Variants in PBX1 observed in about 807,000 individuals in gnomAD.
PBX1 encodes the protein pre-B-cell leukemia transcription factor 1.
A neutral mutation model predicts 53.4 loss-of-function variants in PBX1; 6 were observed. That is an observed-to-expected ratio of 0.11 (90% CI 0.06 to 0.22). The LOEUF (loss-of-function observed/expected upper bound fraction) is 0.22, where lower values mean the gene tolerates loss of function less well. PBX1 is among the 10% of genes least tolerant of loss of function. The pLI, the probability that PBX1 is intolerant of heterozygous loss-of-function variation, is 1.00. For missense variants in PBX1, 251 were observed against 551.4 expected, an observed-to-expected ratio of 0.46 and a Z score of 5.46; for synonymous variants, 204 against 212.3, an observed-to-expected ratio of 0.96 and a Z score of 0.34.
intron 2 of PBX1, among the ~76,000 whole-genome samples, chr1:164,648,295 G>A (rs1356065082): frequency 1.3e-5 from 2 of 152,154 alleles, no homozygotes; most frequent in African/African-American, 4.8e-5. Flanking sequence ...GTACTTTGAA[G>A]TTACCAAGCT....
chr1:164,835,554 G>A (rs1177077943), intron 8 of PBX1, among the ~76,000 whole-genome samples: 2 of 151,892 alleles, frequency 1.3e-5, no homozygotes, highest in Admixed American at 6.6e-5. Context: ...GTATCCCTTG[G>A]GTTGCTAGTG....
intron 2 of PBX1, among the ~76,000 whole-genome samples, chr1:164,595,338 C>T (rs1655682231): frequency 6.6e-6 from 1 of 152,118 alleles, no homozygotes; most frequent in African/African-American, 2.4e-5. Flanking sequence ...CTCTGGTGAG[C>T]CAAGTGGGCA....
rs529577364 is a variant in PBX1 at position 164,766,744 on chromosome 1, T to A, written c.266-25750T>A. Among the ~76,000 whole-genome samples the A allele has an allele frequency of 1.0e-4, 15 of 150,554 alleles. 1 individual carries two copies. The highest frequency in any genetic ancestry group is 4.0e-4 in the Admixed American group (6 of 15,180). On this transcript the variant is annotated intron_variant, in intron 2 of 8. Coordinates refer to ENST00000420696, the MANE Select transcript of PBX1 (RefSeq NM_002585.4). ...TTTATTTATTTATTTATTTATTTTTTTTTTTTTGAGACAGAGTCTGGCTCT... is the reference window on the plus strand; with the variant it reads ...TTTATTTATTTATTTATTTATTTTTATTTTTTTGAGACAGAGTCTGGCTCT...
At position 164,780,856 on chromosome 1, in the gene PBX1, C is replaced by T. The variant is rs189462350; in HGVS notation, c.266-11638C>T. On this transcript the variant is annotated intron_variant, in intron 2 of 8. Coordinates refer to ENST00000420696, the MANE Select transcript of PBX1 (RefSeq NM_002585.4). The stretch of plus-strand genomic sequence containing the variant: ...ACAACTAGGATTTCTTATTTACTGC[C>T]TCTTGTCCAGGACACCGTTAGTATC... Among the ~76,000 whole-genome samples the T allele has an allele frequency of 2.6e-3, 394 of 152,218 alleles. 1 individual carries two copies. The highest frequency in any genetic ancestry group is 9.7e-3 in the South Asian group (47 of 4,824).
intron 4 of PBX1, among the ~76,000 whole-genome samples, chr1:164,803,365 G>A (rs1669180234): frequency 6.6e-6 from 1 of 152,186 alleles, no homozygotes; most frequent in African/African-American, 2.4e-5. Flanking sequence ...AGAGGAGCAG[G>A]ATGTTTGCCA....
intron 2 of PBX1, among the ~76,000 whole-genome samples, chr1:164,674,278 A>G (rs947566041): frequency 1.3e-5 from 2 of 152,182 alleles, no homozygotes; most frequent in Non-Finnish European, 2.9e-5. Flanking sequence ...TTACACATGG[A>G]CAAAGAGGAA....
chr1:164,617,535 G>A (rs1023956870), intron 2 of PBX1, among the ~76,000 whole-genome samples: 1 of 152,206 alleles, frequency 6.6e-6, no homozygotes, highest in Non-Finnish European at 1.5e-5. Context: ...TGCCAAGTAA[G>A]ATTGGGAGTT....
At chr1:164,662,994 A>G (rs1157195098) in intron 2 of PBX1, among the ~76,000 whole-genome samples, 1 of 152,220 alleles carries the variant, frequency 6.6e-6, no homozygotes, top group Non-Finnish European at 1.5e-5. Context: ...TGATGATATC[A>G]TAGAAATACA....
rs59721347 is a variant in PBX1 at position 164,667,412 on chromosome 1, A to ATGTGTG, written c.265+104117_265+104122dup. Among the ~76,000 whole-genome samples the ATGTGTG allele has an allele frequency of 4.0e-3, 590 of 147,460 alleles. 4 individuals carry two copies. The highest frequency in any genetic ancestry group is 0.013 in the African/African-American group (514 of 40,320). ...GTATTTTATATAACATATGTATAAT[A>ATGTGTG]TGTGTGTGTGTGTGTGTGTGTATAT... On this transcript the variant is annotated intron_variant, in intron 2 of 8. Transcript: ENST00000420696.
intron 2 of PBX1, among the ~76,000 whole-genome samples, chr1:164,698,593 A>G (rs1478733123): frequency 6.6e-6 from 1 of 152,110 alleles, no homozygotes; most frequent in East Asian, 1.9e-4. Context: ...GAGAGCCAGG[A>G]TGCTAGCAGA....
rs751755845 is a variant in PBX1 at position 164,871,866 on chromosome 1, T to TATA, written n.258-27322_258-27321insATA. ...GCACACCATTCTCTATCATAGCACA[T>TATA]GTTTAAACAAACATATACTTGTTTG... is the stretch of plus-strand genomic sequence containing the variant. On this transcript the variant is annotated intron_variant and non_coding_transcript_variant, in intron 2 of 2. Coordinates refer to the PBX1 transcript ENST00000558796. Among the ~76,000 whole-genome samples, 26 of 152,114 alleles carry TATA rather than the reference T, an allele frequency of 1.7e-4. No homozygotes were observed. The South Asian group carries it at 5.4e-3, about 32-fold the overall frequency.
At chr1:164,759,485 A>T (rs929208617) in intron 2 of PBX1, among the ~76,000 whole-genome samples, 8 of 152,216 alleles carry the variant, frequency 5.3e-5, no homozygotes, top group Non-Finnish European at 1.2e-4. Context: ...CAGGAGCTTC[A>T]TGTGCTAGCT....
Position 164,846,847 on chromosome 1 carries a change from G to C in PBX1, c.*171G>C. 2 of 1,452,544 alleles carry C rather than the reference G, an allele frequency of 1.4e-6. No individual in the cohort carries two copies. Among genetic ancestry groups the C allele is most frequent in the South Asian group, 1.4e-5 (1 of 69,562 alleles). The allele number at this position is 1,452,544 out of a possible 1,614,324, so 90.0% of individuals were successfully genotyped here. On this transcript the variant is annotated 3_prime_UTR_variant, in exon 9 of 9. Transcript: ENST00000420696. The stretch of plus-strand genomic sequence containing the variant: ...TTGGGATGCTATTTCAGCCAATCTG[G>C]ACACTTCTTTATACTCTCTTCCCTT...
chr1:164,603,942 T>A (rs1656373927), intron 2 of PBX1, among the ~76,000 whole-genome samples: 1 of 74,014 alleles, frequency 1.4e-5, no homozygotes, highest in Non-Finnish European at 3.2e-5. Context: ...TTTTTTTTTT[T>A]TTTTTTTTTT....
At chr1:164,650,818 GAA>G (rs915951040) in intron 2 of PBX1, among the ~76,000 whole-genome samples, 1 of 147,418 alleles carries the variant, frequency 6.8e-6, no homozygotes, top group South Asian at 2.2e-4. Context: ...CCACCTCCAA[GAA>G]AAAAAAAAGC....
chr1:164,880,885 AG>A (rs1255536978), intron 2 of PBX1, among the ~76,000 whole-genome samples: 1 of 152,246 alleles, frequency 6.6e-6, no homozygotes, highest in Non-Finnish European at 1.5e-5. Flanking sequence ...AGTTTGGAAA[AG>A]GAAAAAAGCC....
intron 2 of PBX1, among the ~76,000 whole-genome samples, chr1:164,689,135 C>T (rs546661227): frequency 2.0e-5 from 3 of 152,294 alleles, no homozygotes; most frequent in South Asian, 2.1e-4. Flanking sequence ...TTGCTGGGTA[C>T]GCTGACAATA....
chr1:164,812,181 A>AG, intron 6 of PBX1, 32 bp downstream of exon 6: 1 of 1,587,190 alleles, frequency 6.3e-7, no homozygotes, highest in Non-Finnish European at 8.6e-7. Flanking sequence ...GGGTGGGGGA[A>AG]GGAATTGTTC....
chr1:164,588,437 G>A (rs1655103506), intron 2 of PBX1, among the ~76,000 whole-genome samples: 1 of 130,282 alleles, frequency 7.7e-6, no homozygotes, highest in African/African-American at 2.7e-5. Context: ...ACAGAGATGA[G>A]GAAAAAGAGA....
Sources: allele counts gnomAD v4.1 joint callset (sites outside exome capture counted in the v4.1 genomes callset), GRCh38; gene constraint gnomAD v4.1.1; transcripts MANE v1.5; gene names NCBI Gene and HGNC (gene_info 2026-07-23, HGNC 2026-07-21).